The following CNTN3 variants were observed in gnomAD, a reference collection of about 807,000 sequenced individuals.
The protein encoded by CNTN3 is contactin 3.
In CNTN3, 60 loss-of-function variants were observed where a neutral mutation model predicts 119.1. The observed-to-expected ratio is 0.50, with a 90% CI of 0.41 to 0.62. CNTN3 has a LOEUF of 0.62. Among genes scored for constraint, CNTN3 ranks in the 20% least tolerant of loss-of-function variants. The pLI is 0.00. For synonymous variants in CNTN3, 450 were observed against 438.7 expected (o/e 1.03, Z -0.32); for missense variants, 1,101 against 1,242.4 (o/e 0.89, Z 1.71).
In CNTN3 at chr3:74,301,831, T is replaced by C. The variant is rs568414620; in HGVS notation, c.1787-26A>G. On this transcript the variant is annotated intron_variant, in intron 14 of 22. Coordinates refer to ENST00000263665, the MANE Select transcript of CNTN3 (RefSeq NM_020872.3). ...CTAAGGAAGGCACAAATGGAAACAT[T>C]GAGTAGCAGTTCCATAAATGTCATC... 783 of 1,610,536 alleles carry C rather than the reference T, an allele frequency of 4.9e-4. 13 individuals are homozygous for C. The South Asian group carries it at 7.0e-3, about 14-fold the overall frequency.
intron 1 of CNTN3, among the ~76,000 whole-genome samples, chr3:74,576,437 C>T (rs1441726566): frequency 6.6e-6 from 1 of 151,936 alleles, no homozygotes; most frequent in African/African-American, 2.4e-5. Flanking sequence ...CAAAACTAGA[C>T]TAGAGTACAC....
intron 19 of CNTN3, among the ~76,000 whole-genome samples, chr3:74,294,523 C>A (rs1266000977): frequency 6.6e-6 from 1 of 152,174 alleles, no homozygotes; most frequent in Non-Finnish European, 1.5e-5. Context: ...TCCTGTTAAG[C>A]CTTACTACCC....
rs561178710 is a variant in CNTN3, at chr3:74,537,394, C to A, written c.-80-16202G>T. On this transcript the variant is annotated intron_variant, in intron 1 of 22. Transcript: ENST00000263665. Reference sequence around the variant, plus strand: ...ACAGAGATCCCCTGGTCCACTGAATCATAATTTCCAGGCACCAGGCCCAGA... The same window carrying A: ...ACAGAGATCCCCTGGTCCACTGAATAATAATTTCCAGGCACCAGGCCCAGA... Among the ~76,000 whole-genome samples the A allele has an allele frequency of 2.0e-5, 3 of 152,260 alleles. No individual in the cohort carries two copies. In the East Asian group the frequency reaches 5.8e-4, roughly 30 times the overall value.
intron 1 of CNTN3, among the ~76,000 whole-genome samples, chr3:74,601,876 A>G (rs1341448533): frequency 6.6e-6 from 1 of 152,100 alleles, no homozygotes; most frequent in African/African-American, 2.4e-5. Flanking sequence ...CATGAGAATA[A>G]TTTCCATCAG....
intron 13 of CNTN3, among the ~76,000 whole-genome samples, chr3:74,322,292 A>G (rs574221924): frequency 7.7e-4 from 118 of 152,270 alleles, no homozygotes; most frequent in Non-Finnish European, 1.3e-3. Context: ...AATCTCTTAA[A>G]ACTTCCCAAT....
chr3:74,342,997 A>G (rs1015521074), intron 11 of CNTN3, among the ~76,000 whole-genome samples: 2 of 152,208 alleles, frequency 1.3e-5, no homozygotes, highest in African/African-American at 4.8e-5. Flanking sequence ...TATATATTAA[A>G]AGAAAACTTC....
At chr3:74,476,388 T>A (rs971776311) in intron 4 of CNTN3, among the ~76,000 whole-genome samples, 2 of 152,154 alleles carry the variant, frequency 1.3e-5, no homozygotes, top group African/African-American at 4.8e-5. Context: ...AAGACAGTTC[T>A]CACTTTGGTA....
intron 5 of CNTN3, among the ~76,000 whole-genome samples, chr3:74,417,224 C>T (rs1701538002): frequency 6.6e-6 from 1 of 151,996 alleles, no homozygotes; most frequent in Non-Finnish European, 1.5e-5. Flanking sequence ...ATTTTCATTC[C>T]CTGTGGGCCC....
intron 1 of CNTN3, among the ~76,000 whole-genome samples, chr3:74,575,400 T>C (rs1704397970): frequency 6.6e-6 from 1 of 151,790 alleles, no homozygotes; most frequent in Non-Finnish European, 1.5e-5. Context: ...TACAGACGGG[T>C]GCCATCATGC....
intron 4 of CNTN3, among the ~76,000 whole-genome samples, chr3:74,469,259 C>A (rs1202946150): frequency 6.6e-6 from 1 of 152,056 alleles, no homozygotes; most frequent in African/African-American, 2.4e-5. Flanking sequence ...ATCTTGGGTT[C>A]CGTCCACGCT....
chr3:74,383,005 GA>G (rs1193803661), intron 5 of CNTN3, among the ~76,000 whole-genome samples: 2 of 152,058 alleles, frequency 1.3e-5, no homozygotes, highest in African/African-American at 4.8e-5. Context: ...AATAATTTCT[GA>G]TCAATTAAAG....
At chr3:74,445,728 A>G (rs1702038237) in intron 4 of CNTN3, among the ~76,000 whole-genome samples, 1 of 152,214 alleles carries the variant, frequency 6.6e-6, no homozygotes. Flanking sequence ...AGTAGAAAAG[A>G]ATGTGCACTA....
chr3:74,371,052 G>T, intron 6 of CNTN3, 144 bp downstream of exon 6: 1 of 632,574 alleles, frequency 1.6e-6, no homozygotes, highest in Non-Finnish European at 2.8e-6. Context: ...AATCATTTTT[G>T]TCATTGTACT....
chr3:74,450,696 T>C lies in CNTN3; in HGVS notation c.359-25756A>G, dbSNP rs531693022. Among the ~76,000 whole-genome samples the C allele has an allele frequency of 9.3e-3, 1,160 of 124,348 alleles. 12 individuals are homozygous for C. The highest frequency in any genetic ancestry group is 0.034 in the African/African-American group (1,099 of 31,972). The allele number at this position is 124,348 out of a possible 152,430, so 81.6% of individuals were successfully genotyped here. A position where few individuals can be genotyped will look rare whatever the true frequency, so the allele number is the denominator to read the frequency against. On this transcript the variant is annotated intron_variant, in intron 4 of 22. Coordinates refer to ENST00000263665, the MANE Select transcript of CNTN3 (RefSeq NM_020872.3). Reference sequence around the variant, plus strand: ...CCCCACAACACTCCCCAGAGTGTGATGTTCCCCTTCCTGTGTCCATGTGTT... The same window carrying C: ...CCCCACAACACTCCCCAGAGTGTGACGTTCCCCTTCCTGTGTCCATGTGTT...
rs575602591 is a variant in CNTN3 at position 74,613,864 on chromosome 3, G to A, written c.-81+527C>T. ...GGTAAACCTGACAAATAAACGCGAC[G>A]GGGAACTCCGTCCCAAGCTGCTGAT... On this transcript the variant is annotated intron_variant, in intron 1 of 22. Coordinates refer to ENST00000263665, the MANE Select transcript of CNTN3 (RefSeq NM_020872.3). 2.0e-5 allele frequency among the ~76,000 whole-genome samples: 3 copies of A among 152,308 alleles called. No homozygotes were observed. The East Asian group carries it at 5.8e-4, about 30-fold the overall frequency.
At chr3:74,427,536 T>C (rs1299273843) in intron 4 of CNTN3, among the ~76,000 whole-genome samples, 4 of 152,188 alleles carry the variant, frequency 2.6e-5, no homozygotes, top group Admixed American at 2.0e-4. Context: ...AGTGGAAGAT[T>C]ATATGTGCCA....
intron 13 of CNTN3, among the ~76,000 whole-genome samples, chr3:74,314,623 T>C (rs1702784475): frequency 6.6e-6 from 1 of 151,234 alleles, no homozygotes; most frequent in Admixed American, 6.6e-5. Context: ...TGTATTTACC[T>C]AACAACAGAG....
intron 4 of CNTN3, among the ~76,000 whole-genome samples, chr3:74,460,772 CATATATATAT>C (rs71129755): frequency 0.07 from 6,147 of 87,798 alleles, 280 homozygotes; most frequent in African/African-American, 0.1. Flanking sequence ...TTCTTATTTT[CATATATATAT>C]ATATATATAT....
At chr3:74,449,756 TTAATTGGTTTTCTATCAAATACTCAG>T in intron 4 of CNTN3, among the ~76,000 whole-genome samples, 1 of 152,136 alleles carries the variant, frequency 6.6e-6, no homozygotes, top group East Asian at 1.9e-4. Flanking sequence ...CCACTTGGCA[TTAATTGGTTTTCTATCAAATACTCAG>T]AATGAATAGC....
Sources: gnomAD v4.1 joint callset for allele counts (sites outside exome capture counted in the v4.1 genomes callset) on GRCh38, gnomAD v4.1.1 for gene constraint, MANE v1.5 for transcripts, NCBI Gene and HGNC (gene_info 2026-07-23, HGNC 2026-07-21) for gene names.